Variants in HPS3 observed in about 807,000 individuals in gnomAD.
The protein encoded by HPS3 is BLOC-2 complex member HPS3.
HPS3 carries 79 observed loss-of-function variants against 110.9 expected under a neutral mutation model. The ratio of observed to expected loss-of-function variants is 0.71; its 90% CI spans 0.59 to 0.86. The LOEUF is 0.86. Ranked by LOEUF, HPS3 falls within the 40% of genes least tolerant of loss-of-function variation. The probability of loss-of-function intolerance (pLI) is 0.00; values close to 1 mark genes in which losing one functional copy is unlikely to be tolerated. For synonymous variants in HPS3, 428 were observed against 451.0 expected (o/e 0.95, Z 0.65); for missense variants, 1,197 against 1,206.2 (o/e 0.99, Z 0.11).
rs2108129916 is a variant in HPS3 at position 149,141,088 on chromosome 3, G to C, written c.784G>C (p.Gly262Arg). ...CTGCCAGAAGCCCCTGGAACTTCTT[G>C]GTGAAAAAAGTGAACAGTCTGGATT... ...VICQKPLELL[G>R]EKSEQSGLSV... Residue 262 changes from glycine (G) to arginine (R), a missense_variant, in exon 3 of 17, where the codon GGT (glycine) becomes CGT (arginine). Physicochemically the swap from Gly to Arg is moderately radical, Grantham distance 125. Coordinates refer to ENST00000296051, the MANE Select transcript of HPS3 (RefSeq NM_032383.5). The C allele has an allele frequency of 6.2e-7, 1 of 1,613,536 alleles. No homozygotes were observed. Among genetic ancestry groups the C allele is most frequent in the Middle Eastern group, 1.6e-4 (1 of 6,062 alleles).
intron 1 of HPS3, among the ~76,000 whole-genome samples, chr3:149,138,565 ATATAG>A (rs1327752560): frequency 6.6e-6 from 1 of 152,232 alleles, no homozygotes; most frequent in Non-Finnish European, 1.5e-5. Context: ...GAAAAGATAC[ATATAG>A]TATACTCTAA....
rs1725073084 is a variant in HPS3 at position 149,172,275 on chromosome 3, TTGAA to T, written c.*56_*59del. 6.6e-7 allele frequency: 1 copy of T among 1,523,526 alleles called. No individual in the cohort carries two copies. Among genetic ancestry groups the T allele is most frequent in the Non-Finnish European group, 9.0e-7 (1 of 1,106,666 alleles). 94.4% of individuals were successfully genotyped at this position (1,523,526 alleles called of 1,614,324 possible). On this transcript the variant is annotated 3_prime_UTR_variant, in exon 17 of 17. Transcript: ENST00000296051. ...GCATTTGAGACTGAATTTCTAAAAATTGAATGCCAAAGTACAAGTAGAGGAGTTT... is the reference window on the plus strand; with the variant it reads ...GCATTTGAGACTGAATTTCTAAAAATTGCCAAAGTACAAGTAGAGGAGTTT...
chr3:149,148,027 T>C (rs1331944570), intron 5 of HPS3, among the ~76,000 whole-genome samples: 1 of 152,026 alleles, frequency 6.6e-6, no homozygotes, highest in East Asian at 1.9e-4. Flanking sequence ...CCTGCCGCCA[T>C]GCCCGACTAA....
chr3:149,143,704 T>A (rs944139623), intron 4 of HPS3, among the ~76,000 whole-genome samples: 2 of 152,160 alleles, frequency 1.3e-5, no homozygotes, highest in African/African-American at 4.8e-5. Context: ...TTATGTGTAT[T>A]TGGAGATTCG....
At chr3:149,148,551 CATCACCATGCCCGGCTAATTTTTTT>C (rs1722917413) in intron 5 of HPS3, among the ~76,000 whole-genome samples, 1 of 151,482 alleles carries the variant, frequency 6.6e-6, no homozygotes, top group Non-Finnish European at 1.5e-5. Context: ...TACAGGTGCC[CATCACCATGCCCGGCTAATTTTTTT>C]GTATTTTTAG....
chr3:149,171,999 C>T (rs1725041486), intron 16 of HPS3, 96 bp from the exon 17 acceptor site: 2 of 1,267,008 alleles, frequency 1.6e-6, no homozygotes, highest in South Asian at 1.2e-5. Context: ...GCCACCACGC[C>T]TGGCCTGAAC....
chr3:149,163,682 A>T (rs1195815447), intron 13 of HPS3, among the ~76,000 whole-genome samples, 160 bp from the exon 14 acceptor site: 1 of 152,206 alleles, frequency 6.6e-6, no homozygotes, highest in East Asian at 1.9e-4. Flanking sequence ...AATATTTTCC[A>T]GGGGAAAAAT....
At position 149,157,485 on chromosome 3, in the gene HPS3, G is replaced by A. The variant is rs762633341; in HGVS notation, c.1645G>A (p.Glu549Lys). 1 of 1,613,896 alleles carries A rather than the reference G, an allele frequency of 6.2e-7. No individual in the cohort carries two copies. The highest frequency in any genetic ancestry group is 8.5e-7 in the Non-Finnish European group (1 of 1,179,854). The change falls in exon 9 of 17, where the codon GAA (glutamate) becomes AAA (lysine). Residue 549 changes from glutamate to lysine, a missense_variant. By Grantham distance (56) the Glu-to-Lys change is moderately conservative. Transcript: ENST00000296051. ...ACCTGGAGAGAAGGCAGAGCTTTTG[G>A]AAGCATTTAAGGAAAGCTGTGGGCA... is the stretch of plus-strand genomic sequence containing the variant. ...LEPGEKAELL[E>K]AFKESCGHLG...
chr3:149,167,339 C>T, intron 15 of HPS3, 99 bp downstream of exon 15: 1 of 914,074 alleles, frequency 1.1e-6, no homozygotes, highest in East Asian at 2.6e-5. Context: ...TTATGCTAAT[C>T]CAACATCATA....
chr3:149,163,157 C>T (rs1724059399), intron 13 of HPS3, among the ~76,000 whole-genome samples: 1 of 152,172 alleles, frequency 6.6e-6, no homozygotes, highest in South Asian at 2.1e-4. Flanking sequence ...GGGACTTCTT[C>T]CAGAACATCA....
intron 14 of HPS3, among the ~76,000 whole-genome samples, chr3:149,165,705 A>T (rs929945351): frequency 5.9e-5 from 9 of 152,190 alleles, no homozygotes; most frequent in Admixed American, 3.3e-4. Context: ...AGTTGAAGTT[A>T]TGACTACTTT....
chr3:149,171,069 A>G (rs1439849239), intron 16 of HPS3, among the ~76,000 whole-genome samples: 5 of 152,086 alleles, frequency 3.3e-5, no homozygotes, highest in Admixed American at 6.6e-5. Flanking sequence ...CATGAGGTCA[A>G]GAGATCGAGA....
At position 149,140,420 on chromosome 3, in the gene HPS3, G is replaced by A. The variant is rs1576665807; in HGVS notation, c.634G>A (p.Glu212Lys). 3 of 1,611,868 alleles carry A rather than the reference G, an allele frequency of 1.9e-6. No homozygotes were observed. The highest frequency in any genetic ancestry group is 2.5e-6 in the Non-Finnish European group (3 of 1,179,158). ...CTTAGAAGTCTTAATCGTAAAACTG[G>A]AGTCAGGCCCTAAAAATGGAGAGAG... ...SDLEVLIVKL[E>K]SGPKNGERVH... is the part of the protein sequence containing the mutation. Residue 212 changes from glutamate (E) to lysine (K), a missense_variant, in exon 2 of 17, where the codon GAG (glutamate) becomes AAG (lysine). Physicochemically the swap from Glu to Lys is moderately conservative, Grantham distance 56. Transcript: ENST00000296051.
At chr3:149,162,398 G>A (rs746778990) in intron 12 of HPS3, 65 bp downstream of exon 12, 1 of 1,406,648 alleles carries the variant, frequency 7.1e-7, no homozygotes, top group Non-Finnish European at 1.0e-6. Flanking sequence ...GGGAGGGACA[G>A]AATAAGAGAA....
intron 5 of HPS3, among the ~76,000 whole-genome samples, chr3:149,147,238 A>C (rs187641624): frequency 6.6e-6 from 1 of 152,330 alleles, no homozygotes; most frequent in East Asian, 1.9e-4. Flanking sequence ...AGATGCTTAT[A>C]GATTATCAAG....
rs1725123206 is a variant in HPS3, at chr3:149,172,717, A to T, written c.*495A>T. ...TGTTAATGTTTTGCCATGGTAAAAG[A>T]TTTCAAACCTCATTTTTTTTGTTCC... On this transcript the variant is annotated 3_prime_UTR_variant, in exon 17 of 17. Coordinates refer to ENST00000296051, the MANE Select transcript of HPS3 (RefSeq NM_032383.5). 6.5e-6 allele frequency: 1 copy of T among 153,102 alleles called. No homozygotes were observed. The highest frequency in any genetic ancestry group is 1.5e-5 in the Non-Finnish European group (1 of 68,402). The allele number at this position is 153,102 out of a possible 1,614,324, so 9.5% of individuals were successfully genotyped here.
At chr3:149,136,324 G>A (rs1348759894) in intron 1 of HPS3, among the ~76,000 whole-genome samples, 1 of 152,110 alleles carries the variant, frequency 6.6e-6, no homozygotes, top group Non-Finnish European at 1.5e-5. Flanking sequence ...GGAGGTTGCA[G>A]TGAGCCAAGA....
chr3:149,140,201 A>G lies in HPS3; in HGVS notation c.415A>G (p.Ile139Val). Residue 139 changes from isoleucine (I) to valine (V), a missense_variant, in exon 2 of 17, where the codon ATT becomes GTT. Physicochemically the swap from Ile to Val is conservative, Grantham distance 29. Transcript: ENST00000296051. Reference sequence around the variant, plus strand: ...GCCGCTTTCGGAGGCCCCCTTGTGCATTTCCTGTTGCCCTGTGAAAGGAGA... The same window carrying G: ...GCCGCTTTCGGAGGCCCCCTTGTGCGTTTCCTGTTGCCCTGTGAAAGGAGA... ...EMPLSEAPLC[I>V]SCCPVKGDLL... The G allele has an allele frequency of 6.2e-7, 1 of 1,614,180 alleles. No homozygotes were observed.
chr3:149,147,117 G>A (rs1032639259), intron 5 of HPS3, among the ~76,000 whole-genome samples: 1 of 152,118 alleles, frequency 6.6e-6, no homozygotes, highest in Admixed American at 6.5e-5. Context: ...GGGATAATGG[G>A]GATGTAGGAG....
Sources: allele counts gnomAD v4.1 joint callset (sites outside exome capture counted in the v4.1 genomes callset), GRCh38; gene constraint gnomAD v4.1.1; transcripts MANE v1.5; gene names NCBI Gene and HGNC (gene_info 2026-07-23, HGNC 2026-07-21).